Variants in CPM observed in about 807,000 individuals in gnomAD.
CPM encodes the protein carboxypeptidase M.
Under a neutral mutation model 46.4 loss-of-function variants are expected in CPM, and 35 were observed. The ratio of observed to expected loss-of-function variants is 0.75; its 90% CI spans 0.58 to 1.00. The LOEUF is 1.00. Ranked by LOEUF, CPM falls within the 50% of genes least tolerant of loss-of-function variation. The pLI, the probability that CPM is intolerant of heterozygous loss-of-function variation, is 0.00. For synonymous variants in CPM, 195 were observed against 195.3 expected, an observed-to-expected ratio of 1.00 and a Z score of 0.01; for missense variants, 422 against 530.4, an observed-to-expected ratio of 0.80 and a Z score of 2.01.
upstream of CPM, among the ~76,000 whole-genome samples, chr12:68,937,844 G>T (rs574114446): frequency 6.6e-6 from 1 of 152,142 alleles, no homozygotes; most frequent in Admixed American, 6.6e-5. Flanking sequence ...AACAATGAAG[G>T]CATTTTAATT....
chr12:68,925,133 A>C (rs1888206019), intron 2 of CPM, among the ~76,000 whole-genome samples: 1 of 152,218 alleles, frequency 6.6e-6, no homozygotes, highest in African/African-American at 2.4e-5. Context: ...GTATTGATTT[A>C]TGACTAGTGT....
At chr12:68,849,447 C>T (rs1397789773), downstream of CPM, 2 of 147,342 alleles carry the variant, frequency 1.4e-5, no homozygotes, top group Non-Finnish European at 3.0e-5. Context: ...GACAGTCTCT[C>T]ACTCCAGGTT....
intron 4 of CPM, 189 bp downstream of exon 4, chr12:68,871,595 T>C (rs1885697669): frequency 1.6e-6 from 1 of 620,888 alleles, no homozygotes; most frequent in Admixed American, 3.0e-5. Flanking sequence ...CAAAGTAGCC[T>C]TATTTGCATT....
intron 2 of CPM, among the ~76,000 whole-genome samples, chr12:68,931,076 T>C (rs1888479659): frequency 6.6e-6 from 1 of 152,330 alleles, no homozygotes; most frequent in East Asian, 1.9e-4. Flanking sequence ...ACCCAACCTC[T>C]ATAATTTTGG....
At position 68,891,738 on chromosome 12, in the gene CPM, T is replaced by G. The variant is rs917793427; in HGVS notation, c.161-5849A>C. ...ATCTGTGTTGTTTTGTTTTTTTGGGTTTTTTTTTGAGGCAGAGTCTCGCTT... is the reference window on the plus strand; with the variant it reads ...ATCTGTGTTGTTTTGTTTTTTTGGGGTTTTTTTTGAGGCAGAGTCTCGCTT... On this transcript the variant is annotated intron_variant, in intron 2 of 8. Coordinates refer to ENST00000551568, the MANE Select transcript of CPM (RefSeq NM_198320.5). 8.6e-5 allele frequency among the ~76,000 whole-genome samples: 13 copies of G among 151,300 alleles called. No homozygotes were observed. The East Asian group carries it at 1.4e-3, about 16-fold the overall frequency.
At chr12:68,941,929 G>A (rs1224019132) in intron 1 of CPM, among the ~76,000 whole-genome samples, 1 of 152,192 alleles carries the variant, frequency 6.6e-6, no homozygotes, top group East Asian at 1.9e-4. Context: ...CTAGAGATAA[G>A]AAAATTGTTA....
chr12:68,889,803 TC>T (rs993448503), intron 2 of CPM, among the ~76,000 whole-genome samples: 10 of 152,238 alleles, frequency 6.6e-5, no homozygotes, highest in African/African-American at 2.4e-4. Flanking sequence ...AAGGCGCAAG[TC>T]CACTTGTGTC....
chr12:68,858,731 T>TG (rs59986141), intron 8 of CPM, among the ~76,000 whole-genome samples, 192 bp downstream of exon 8: 3 of 146,880 alleles, frequency 2.0e-5, no homozygotes, highest in African/African-American at 7.9e-5. Context: ...TGAATTTTTG[T>TG]GGTTTTTTTT....
chr12:68,944,644 C>T (rs1592713436), intron 1 of CPM, among the ~76,000 whole-genome samples: 2 of 152,078 alleles, frequency 1.3e-5, no homozygotes, highest in Non-Finnish European at 2.9e-5. Context: ...AAGTCATCCG[C>T]CCAGCTCAGC....
intron 4 of CPM, 114 bp downstream of exon 4, chr12:68,871,670 C>T (rs930156606): frequency 2.2e-5 from 25 of 1,123,112 alleles, no homozygotes; most frequent in African/African-American, 3.1e-5. Context: ...GACATGACAC[C>T]GGCTCTGAGG....
chr12:68,880,843 A>C (rs1886158454), intron 3 of CPM, among the ~76,000 whole-genome samples: 1 of 152,206 alleles, frequency 6.6e-6, no homozygotes, highest in African/African-American at 2.4e-5. Flanking sequence ...CTGTTTGAGG[A>C]GGCAACTTGC....
intron 3 of CPM, among the ~76,000 whole-genome samples, chr12:68,882,473 G>A (rs1886239625): frequency 6.6e-6 from 1 of 152,092 alleles, no homozygotes; most frequent in Non-Finnish European, 1.5e-5. Context: ...TACCATTGGT[G>A]GGCATCTAGA....
intron 6 of CPM, 96 bp downstream of exon 6, chr12:68,869,229 C>T: frequency 8.7e-7 from 1 of 1,143,388 alleles, no homozygotes; most frequent in Non-Finnish European, 1.3e-6. Context: ...CCTATTGTGC[C>T]TAAAGTTCTT....
At chr12:68,963,045 CTG>C (rs1190314469) in intron 1 of CPM, 2 of 152,670 alleles carry the variant, frequency 1.3e-5, no homozygotes, top group Admixed American at 6.5e-5. Context: ...CCTCTTGAGG[CTG>C]TGTCATGGGT....
At chr12:68,946,352 A>G (rs1002318357) in intron 1 of CPM, among the ~76,000 whole-genome samples, 3 of 152,218 alleles carry the variant, frequency 2.0e-5, no homozygotes, top group Admixed American at 6.5e-5. Context: ...TTTGCTATAT[A>G]GGCCTTTTTA....
At chr12:68,892,887 G>A (rs1187600830) in intron 2 of CPM, among the ~76,000 whole-genome samples, 2 of 151,954 alleles carry the variant, frequency 1.3e-5, no homozygotes, top group South Asian at 2.1e-4. Flanking sequence ...GGGTAAGCAC[G>A]TTCTCACTCA....
intron 1 of CPM, among the ~76,000 whole-genome samples, chr12:68,958,301 C>T (rs1369920262): frequency 6.6e-6 from 1 of 152,170 alleles, no homozygotes; most frequent in Non-Finnish European, 1.5e-5. Context: ...AATTTACACT[C>T]CCACCAACAG....
chr12:68,876,626 G>A (rs976387498), intron 3 of CPM, among the ~76,000 whole-genome samples: 2 of 152,072 alleles, frequency 1.3e-5, no homozygotes, highest in African/African-American at 2.4e-5. Flanking sequence ...ATGAAGAAAC[G>A]GGGGCCTGAT....
intron 5 of CPM, chr12:68,843,295 TGAGAGA>T (rs138844063): frequency 3.0e-4 from 65 of 219,128 alleles, no homozygotes; most frequent in African/African-American, 1.3e-3. Flanking sequence ...GGCCATTTAT[TGAGAGA>T]GAGAGAGAGA....
Sources: allele counts gnomAD v4.1 joint callset (sites outside exome capture counted in the v4.1 genomes callset), GRCh38; gene constraint gnomAD v4.1.1; transcripts MANE v1.5; gene names NCBI Gene and HGNC (gene_info 2026-07-23, HGNC 2026-07-21).